The following VILL variants were observed in gnomAD, a reference collection of about 807,000 sequenced individuals.
VILL encodes the protein villin like, also known as villin-like protein.
A neutral mutation model predicts 106.3 loss-of-function variants in VILL; 102 were observed. The observed-to-expected ratio is 0.96, with a 90% CI of 0.82 to 1.13. The LOEUF (loss-of-function observed/expected upper bound fraction) is 1.13. VILL is among the 50% of genes most tolerant of loss of function. VILL has a pLI of 0.00. For missense variants in VILL, 1,076 were observed against 1,116.6 expected (o/e 0.96, Z 0.52); for synonymous variants, 431 against 440.3 (o/e 0.98, Z 0.27).
In VILL at chr3:37,997,538, A is replaced by G. The variant is rs1444220314; in HGVS notation, c.617A>G (p.Gln206Arg). 8.7e-6 allele frequency: 14 copies of G among 1,614,000 alleles called. No individual in the cohort carries two copies. Among genetic ancestry groups the G allele is most frequent in the African/African-American group, 2.7e-5 (2 of 74,902 alleles). ...RDRERGGGRA[Q>R]IGVVDDEAKA... ...AGGGAACGTGGTGGTGGTCGTGCACAGATTGGTGTGGTGGATGATGAGGCC... is the reference window on the plus strand; with the variant it reads ...AGGGAACGTGGTGGTGGTCGTGCACGGATTGGTGTGGTGGATGATGAGGCC... Residue 206 changes from glutamine to arginine, a missense_variant, in exon 7 of 20, where the codon CAG (glutamine) becomes CGG (arginine). Physicochemically the swap from Gln to Arg is conservative, Grantham distance 43 (BLOSUM62 1). Coordinates refer to ENST00000383759, the MANE Select transcript of VILL (RefSeq NM_015873.4). The surrounding 1 kb of genome is among the most constrained non-coding windows in gnomAD (Gnocchi z 4.7).
At chr3:37,990,057 T>G (rs1376027998), upstream of VILL, among the ~76,000 whole-genome samples, 1 of 152,216 alleles carries the variant, frequency 6.6e-6, no homozygotes. The surrounding 1 kb of genome is among the most constrained non-coding windows in gnomAD (Gnocchi z 5.1). Context: ...TGGCTGGGCC[T>G]TGGCTGGGAC....
chr3:38,000,334 G>A (rs991700515), intron 11 of VILL, among the ~76,000 whole-genome samples: 20 of 152,044 alleles, frequency 1.3e-4, no homozygotes, highest in Non-Finnish European at 2.2e-4. Context: ...GACAGGGAAA[G>A]AGGAAGACAG....
At chr3:37,989,329 G>GT (rs1417056172), upstream of VILL, among the ~76,000 whole-genome samples, 8 of 152,232 alleles carry the variant, frequency 5.3e-5, no homozygotes, top group Non-Finnish European at 1.0e-4. Context: ...CCGGGGCAAG[G>GT]TTCGGGGGAG....
chr3:38,003,445 C>CA, intron 15 of VILL, 132 bp downstream of exon 15: 1 of 1,212,354 alleles, frequency 8.2e-7, no homozygotes, highest in Non-Finnish European at 1.1e-6. Context: ...GTTTCCCACT[C>CA]ACAGAGGCTC....
At chr3:38,003,937 G>C (rs905578142) in intron 15 of VILL, 6 of 277,194 alleles carry the variant, frequency 2.2e-5, no homozygotes, top group Non-Finnish European at 4.2e-5. Flanking sequence ...GCCAGGGGTG[G>C]GCTGAGGAGC....
Position 38,004,820 on chromosome 3 carries a change from CTT to C in VILL, c.1950+423_1950+424del, listed in dbSNP as rs528798573. Among the ~76,000 whole-genome samples, 782 of 152,312 alleles carry C rather than the reference CTT, an allele frequency of 5.1e-3. 9 individuals carry two copies. The highest frequency in any genetic ancestry group is 8.5e-3 in the Admixed American group (130 of 15,300). On this transcript the variant is annotated intron_variant, in intron 16 of 19. Transcript: ENST00000383759. ...TGCCTTCGTGCACCTGTGTGTGACA[CTT>C]TGTCAGTGACTGTGAGGTCACGTGA...
At position 38,003,457 on chromosome 3, in the gene VILL, C is replaced by T. The variant is rs1214673275; in HGVS notation, c.1805+144C>T. On this transcript the variant is annotated intron_variant, in intron 15 of 19. Transcript: ENST00000383759. Reference sequence around the variant, plus strand: ...TCAGTTTCCCACTCACAGAGGCTCCCACAAGTACAGCCCACGCTTCGCTCC... The same window carrying T: ...TCAGTTTCCCACTCACAGAGGCTCCTACAAGTACAGCCCACGCTTCGCTCC... 11 of 1,120,430 alleles carry T rather than the reference C, an allele frequency of 9.8e-6. No homozygotes were observed. The East Asian group carries it at 2.9e-4, about 30-fold the overall frequency. 69.4% of individuals were successfully genotyped at this position (1,120,430 alleles called of 1,614,324 possible).
chr3:37,997,124 G>T lies in VILL; in HGVS notation c.498G>T (p.Leu166=). 2.5e-6 allele frequency: 4 copies of T among 1,614,132 alleles called. No individual in the cohort carries two copies. In the South Asian group the frequency reaches 4.4e-5, roughly 18 times the overall value. ...NSFNKGDIFL[L]DLGKMMIQWN... is the part of the protein sequence containing the mutation. ...TTAATAAGGGTGACATCTTCCTGCTGGACCTAGGCAAGATGATGATTCAGT... is the reference window on the plus strand; with the variant it reads ...TTAATAAGGGTGACATCTTCCTGCTTGACCTAGGCAAGATGATGATTCAGT... Residue 166 remains leucine, a synonymous_variant, in exon 6 of 20, where the codon CTG becomes CTT. Transcript: ENST00000383759. This position sits in a 1 kb window ranked among gnomAD's most constrained non-coding sequence, Gnocchi z 4.7.
intron 11 of VILL, among the ~76,000 whole-genome samples, chr3:37,999,792 C>G (rs1699780772): frequency 6.6e-6 from 1 of 152,208 alleles, no homozygotes; most frequent in South Asian, 2.1e-4. Flanking sequence ...TACACAACCA[C>G]AAATATGAAG....
intron 10 of VILL, 104 bp from the exon 11 acceptor site, chr3:37,999,234 CG>C: frequency 9.8e-7 from 1 of 1,025,408 alleles, no homozygotes; most frequent in South Asian, 2.3e-5. Context: ...GCGGAGGACG[CG>C]GCGGGACCTG....
rs1420425512 is a variant in VILL, at chr3:38,001,942, T to C, written c.1479+82T>C. On this transcript the variant is annotated intron_variant, in intron 13 of 19. Coordinates refer to ENST00000383759, the MANE Select transcript of VILL (RefSeq NM_015873.4). ...CCCCCGCACACACTTCTAAGCACCT[T>C]CTCTTTGGGCCTGGGGCCTGCTTAT... The C allele has an allele frequency of 3.8e-6, 6 of 1,593,600 alleles. No homozygotes were observed. In the African/African-American group the frequency reaches 5.4e-5, roughly 14 times the overall value.
intron 3 of VILL, 79 bp downstream of exon 3, chr3:37,994,051 T>C: frequency 6.4e-7 from 1 of 1,571,552 alleles, no homozygotes; most frequent in Non-Finnish European, 8.8e-7. Context: ...GCATAAACTC[T>C]GCCCTGGGAA....
Position 38,002,556 on chromosome 3 carries a change from G to C in VILL, c.1640G>C (p.Cys547Ser). 1 of 1,613,706 alleles carries C rather than the reference G, an allele frequency of 6.2e-7. No individual in the cohort carries two copies. The highest frequency in any genetic ancestry group is 2.2e-5 in the East Asian group (1 of 44,888). ...TTCTTGCTGGTCACAGCCAGCGTCT[G>C]CTACCTCTGGTTTGGGAAGGTACCC... ...DIFLLVTASV[C>S]YLWFGKGCNG... Residue 547 changes from cysteine (C) to serine (S), a missense_variant, in exon 14 of 20, where the codon TGC becomes TCC. Transcript: ENST00000383759.
intron 10 of VILL, 23 bp downstream of exon 10, chr3:37,999,073 ACGGGGGCGGGGCGGGACTGG>A (rs1699762750): frequency 2.3e-5 from 3 of 128,656 alleles, no homozygotes; most frequent in Admixed American, 1.4e-4. Context: ...GGCGGGGCTG[ACGGGGGCGGGGCGGGACTGG>A]CGGGGGCGGG....
At chr3:38,001,665 G>A (rs757183186) in intron 12 of VILL, 37 bp from the exon 13 acceptor site, 7 of 1,613,532 alleles carry the variant, frequency 4.3e-6, no homozygotes, top group Non-Finnish European at 5.9e-6. Flanking sequence ...AAATGTGAGA[G>A]CTGGGCCAGG....
At position 37,997,718 on chromosome 3, in the gene VILL, G is replaced by A; in HGVS notation, c.764+33G>A. 1.3e-6 allele frequency: 2 copies of A among 1,546,602 alleles called. No homozygotes were observed. Among genetic ancestry groups the A allele is most frequent in the Non-Finnish European group, 1.8e-6 (2 of 1,132,366 alleles). The stretch of plus-strand genomic sequence containing the variant: ...CCCCTGGGGTGGGCAGGGGTGGGTG[G>A]GACAGTCCAGGACTCTGTGTCCATC... On this transcript the variant is annotated intron_variant, in intron 7 of 19. Transcript: ENST00000383759. This position sits in a 1 kb window ranked among gnomAD's most constrained non-coding sequence, Gnocchi z 4.7.
At chr3:37,988,939 A>T (rs1699579038), upstream of VILL, among the ~76,000 whole-genome samples, 1 of 152,214 alleles carries the variant, frequency 6.6e-6, no homozygotes, top group South Asian at 2.1e-4. Context: ...AAATCTTGTG[A>T]AAAAAAGATT....
intron 11 of VILL, chr3:38,000,998 G>C: frequency 2.2e-6 from 1 of 459,212 alleles, no homozygotes; most frequent in Admixed American, 2.3e-5. Flanking sequence ...TACACTGACA[G>C]ATGTGAGACA....
intron 18 of VILL, 21 bp downstream of exon 18, chr3:38,006,273 C>A (rs1699920247): frequency 6.2e-7 from 1 of 1,613,936 alleles, no homozygotes; most frequent in African/African-American, 1.3e-5. Context: ...GGGCCCCTAG[C>A]CTTCCCCACA....
Sources: allele counts gnomAD v4.1 joint callset (sites outside exome capture counted in the v4.1 genomes callset), GRCh38; gene constraint gnomAD v4.1.1; non-coding constraint Gnocchi (gnomAD v3.1); transcripts MANE v1.5; gene names NCBI Gene and HGNC (gene_info 2026-07-23, HGNC 2026-07-21).